The following TRPM1 variants were observed in gnomAD, a reference collection of about 807,000 sequenced individuals.
TRPM1 encodes the protein TRPM1-203 APA Isoform, Intron 10.
In TRPM1, 113 loss-of-function variants were observed where a neutral mutation model predicts 149.4. The ratio of observed to expected loss-of-function variants is 0.76; its 90% CI spans 0.65 to 0.88. The LOEUF (loss-of-function observed/expected upper bound fraction) is 0.88. Ranked by LOEUF, TRPM1 falls within the 40% of genes least tolerant of loss-of-function variation. The pLI is 0.00. For synonymous variants in TRPM1, 741 were observed against 759.5 expected, an observed-to-expected ratio of 0.98 and a Z score of 0.40; for missense variants, 1,976 against 2,038.7, an observed-to-expected ratio of 0.97 and a Z score of 0.59.
intron 25 of TRPM1, 136 bp from the exon 26 acceptor site, chr15:31,027,253 G>A (rs2032815841): frequency 1.3e-6 from 1 of 766,456 alleles, no homozygotes; most frequent in African/African-American, 1.7e-5. Context: ...CTGATTCCTT[G>A]ATTATCCAAT....
intron 3 of TRPM1, among the ~76,000 whole-genome samples, chr15:31,074,570 A>C (rs538879572): frequency 6.6e-6 from 1 of 152,156 alleles, no homozygotes; most frequent in African/African-American, 2.4e-5. Context: ...TTTGAGTCTT[A>C]TCTTTCTCTT....
Position 31,040,061 on chromosome 15 carries a change from G to T in TRPM1, c.2316+57C>A. The stretch of plus-strand genomic sequence containing the variant: ...CCACAGAAAGTGCTCAGTTCAGCCT[G>T]GCAGAGAGTCACTTGTCACTGTCAC... On this transcript the variant is annotated intron_variant, in intron 18 of 27. Coordinates refer to ENST00000256552, the MANE Select transcript of TRPM1 (RefSeq NM_001252024.2). The surrounding 1 kb of genome is among the most constrained non-coding windows in gnomAD (Gnocchi z 4.2). 1 of 1,500,388 alleles carries T rather than the reference G, an allele frequency of 6.7e-7. No homozygotes were observed. The highest frequency in any genetic ancestry group is 9.3e-7 in the Non-Finnish European group (1 of 1,077,296). 92.9% of individuals were successfully genotyped at this position (1,500,388 alleles called of 1,614,324 possible).
At chr15:31,023,515 TA>T (rs2032619215) in intron 27 of TRPM1, among the ~76,000 whole-genome samples, 1 of 151,930 alleles carries the variant, frequency 6.6e-6, no homozygotes, top group African/African-American at 2.4e-5. Flanking sequence ...AGAGCTCAGG[TA>T]GGGGCAGCTA....
At chr15:31,008,930 T>G (rs2032087779) in intron 27 of TRPM1, among the ~76,000 whole-genome samples, 1 of 152,208 alleles carries the variant, frequency 6.6e-6, no homozygotes. Flanking sequence ...CTTTTGACTG[T>G]CAAATATACT....
chr15:31,126,811 A>G (rs2035957202), intron 1 of TRPM1, among the ~76,000 whole-genome samples: 1 of 152,188 alleles, frequency 6.6e-6, no homozygotes, highest in Non-Finnish European at 1.5e-5. Context: ...TAAAGGAAAT[A>G]CAAGAGTTAG....
Position 31,035,576 on chromosome 15 carries a change from G to A in TRPM1, c.2670C>T (p.Ile890=), listed in dbSNP as rs990801681. Residue 890 remains isoleucine, a synonymous_variant, in exon 21 of 28, where the codon ATC becomes ATT. Coordinates refer to ENST00000256552, the MANE Select transcript of TRPM1 (RefSeq NM_001252024.2). ...GTATCTTCTCTAACGCCAGGCTCAC[G>A]ATGTAGGAGATGACGATCCACTCCT... ...SLQEWIVISY[I]VSLALEKIRE... 1.5e-5 allele frequency: 25 copies of A among 1,614,072 alleles called. No individual in the cohort carries two copies. Among genetic ancestry groups the A allele is most frequent in the African/African-American group, 1.3e-4 (10 of 74,936 alleles).
At chr15:31,153,314 C>G (rs2036327306) in intron 1 of TRPM1, among the ~76,000 whole-genome samples, 1 of 152,176 alleles carries the variant, frequency 6.6e-6, no homozygotes, top group African/African-American at 2.4e-5. Flanking sequence ...CCAGACACTC[C>G]TTTCTATGGA....
At position 31,068,017 on chromosome 15, in the gene TRPM1, G is replaced by A. The variant is rs1203022176; in HGVS notation, c.355C>T (p.Pro119Ser). The A allele has an allele frequency of 1.2e-6, 2 of 1,614,200 alleles. No homozygotes were observed. The highest frequency in any genetic ancestry group is 2.2e-5 in the East Asian group (1 of 44,886). The change falls in exon 5 of 28, where the codon CCC becomes TCC. Residue 119 changes from proline (P) to serine (S), a missense_variant. By Grantham distance (74) the Pro-to-Ser change is moderately conservative (BLOSUM62 -1). This residue lies in a region of TRPM1 where 1,332 missense variants were observed against 1,347.1 expected (regional missense o/e 0.99). Coordinates refer to ENST00000256552, the MANE Select transcript of TRPM1 (RefSeq NM_001252024.2). ...CCATGCACAGATATTAAGAGCTTGG[G>A]GAGTTCCAGCTGCCAATCTTTCACC... ...LMVKDWQLEL[P>S]KLLISVHGGL...
At chr15:31,112,689 G>A (rs1057203021) in intron 1 of TRPM1, among the ~76,000 whole-genome samples, 1 of 152,084 alleles carries the variant, frequency 6.6e-6, no homozygotes, top group African/African-American at 2.4e-5. Context: ...CTGCCCAAAG[G>A]TGATATTCTC....
intron 1 of TRPM1, among the ~76,000 whole-genome samples, chr15:31,156,195 CAA>C (rs35981768): frequency 0.028 from 1,015 of 36,468 alleles, 3 homozygotes; most frequent in Non-Finnish European, 0.041. Flanking sequence ...AGACCTCTGT[CAA>C]AAAAAAAAAA....
At chr15:31,119,506 A>G (rs1407677518) in intron 1 of TRPM1, among the ~76,000 whole-genome samples, 1 of 152,162 alleles carries the variant, frequency 6.6e-6, no homozygotes, top group Non-Finnish European at 1.5e-5. Context: ...GAAAAATGCT[A>G]AAAGAAGTTA....
chr15:31,009,758 G>A (rs1365471620), intron 27 of TRPM1, among the ~76,000 whole-genome samples: 1 of 152,054 alleles, frequency 6.6e-6, no homozygotes, highest in Non-Finnish European at 1.5e-5. Flanking sequence ...TTCAAATTGA[G>A]TAATTTTCTG....
chr15:31,121,458 G>A (rs1253603105), intron 1 of TRPM1, among the ~76,000 whole-genome samples: 1 of 152,080 alleles, frequency 6.6e-6, no homozygotes, highest in East Asian at 1.9e-4. Context: ...GAGATCAGAT[G>A]CAGTCACTGA....
upstream of TRPM1, among the ~76,000 whole-genome samples, chr15:31,102,437 T>A (rs111560393): frequency 6.6e-6 from 1 of 152,256 alleles, no homozygotes; most frequent in Admixed American, 6.5e-5. Flanking sequence ...TTCCCCAGCA[T>A]CTGAGGCTCT....
Position 31,002,435 on chromosome 15 carries a change from A to AG in TRPM1, c.4264dup (p.Leu1422ProfsTer28). On this transcript the variant is annotated frameshift_variant, in exon 28 of 28. Coordinates refer to ENST00000256552, the MANE Select transcript of TRPM1 (RefSeq NM_001252024.2). LOFTEE classifies it low-confidence loss of function (END_TRUNC). The stretch of plus-strand genomic sequence containing the variant: ...TTCTATATTTGTCGTTTCCACTGTT[A>AG]GCTGAGTGTTTTGAACATCTGATTT... 2 of 1,614,234 alleles carry AG rather than the reference A, an allele frequency of 1.2e-6. No individual in the cohort carries two copies. The highest frequency in any genetic ancestry group is 8.5e-7 in the Non-Finnish European group (1 of 1,180,040).
chr15:31,137,918 T>C (rs2036110862), intron 1 of TRPM1, among the ~76,000 whole-genome samples: 1 of 152,188 alleles, frequency 6.6e-6, no homozygotes, highest in South Asian at 2.1e-4. Flanking sequence ...TACGGAAGTT[T>C]TCTGAAGAAT....
upstream of TRPM1, among the ~76,000 whole-genome samples, chr15:31,104,173 C>A (rs1307208979): frequency 6.6e-6 from 1 of 152,088 alleles, no homozygotes; most frequent in African/African-American, 2.4e-5. Flanking sequence ...AGTCCTTCTC[C>A]TCATGGGGGA....
In TRPM1 at chr15:31,026,206, G is replaced by T; in HGVS notation, c.3562C>A (p.His1188Asn). ...HEFEEQCVQE[H>N]FREKEDEQQS... ...TGCTCATCCTCCTTCTCCCGGAAGT[G>T]CTCCTGCACGCACTGCTCCTCGAAC... Residue 1188 changes from histidine to asparagine, a missense_variant, in exon 27 of 28, where the codon CAC becomes AAC. By Grantham distance (68) the His-to-Asn change is moderately conservative. Coordinates refer to ENST00000256552, the MANE Select transcript of TRPM1 (RefSeq NM_001252024.2). 1 of 1,612,572 alleles carries T rather than the reference G, an allele frequency of 6.2e-7. No individual in the cohort carries two copies. The highest frequency in any genetic ancestry group is 8.5e-7 in the Non-Finnish European group (1 of 1,180,022).
upstream of TRPM1, chr15:31,101,823 G>A: frequency 1.5e-6 from 1 of 669,994 alleles, no homozygotes; most frequent in Non-Finnish European, 1.8e-6. Flanking sequence ...TGAAGCGATG[G>A]CCCCATGACC....
Sources: gnomAD v4.1 joint callset for allele counts (sites outside exome capture counted in the v4.1 genomes callset) on GRCh38, gnomAD v4.1.1 for gene constraint, gnomAD v4.1.1 regional missense constraint, Gnocchi (gnomAD v3.1) non-coding constraint, MANE v1.5 for transcripts, NCBI Gene and HGNC (gene_info 2026-07-23, HGNC 2026-07-21) for gene names.